Variants in TSPAN8 observed in about 807,000 individuals in gnomAD.
TSPAN8 encodes the protein tetraspanin-8.
Under a neutral mutation model 32.8 loss-of-function variants are expected in TSPAN8, and 21 were observed. The observed-to-expected ratio is 0.64, with a 90% confidence interval of 0.45 to 0.92. The LOEUF (loss-of-function observed/expected upper bound fraction) is 0.92. Ranked by LOEUF, TSPAN8 falls within the 40% of genes least tolerant of loss-of-function variation. TSPAN8 has a pLI of 0.00. For synonymous variants in TSPAN8, 95 were observed against 94.6 expected (o/e 1.00, Z -0.03); for missense variants, 269 against 281.9 (o/e 0.95, Z 0.33).
Position 71,139,735 on chromosome 12 carries a change from T to C in TSPAN8, c.237A>G (p.Lys79=). ...LGFLGCCGAI[K]ESRCMLLLFF... ...CCAACAGAAGCATGCAGCGACTTTC[T>C]TTTATAGCACCGCAGCATCCCAGGA... The change falls in exon 4 of 9, where the codon AAA becomes AAG. Residue 79 remains lysine (K), a synonymous_variant. Transcript: ENST00000247829. 6.2e-7 allele frequency: 1 copy of C among 1,613,912 alleles called. No homozygotes were observed. Among genetic ancestry groups the C allele is most frequent in the Non-Finnish European group, 8.5e-7 (1 of 1,179,854 alleles).
At chr12:71,135,749 T>G (rs1383305539) in intron 6 of TSPAN8, among the ~76,000 whole-genome samples, 1 of 152,174 alleles carries the variant, frequency 6.6e-6, no homozygotes, top group African/African-American at 2.4e-5. Context: ...CAGATGTTAC[T>G]AGGACCCAAA....
At chr12:71,154,210 T>C (rs60858449) in intron 2 of TSPAN8, among the ~76,000 whole-genome samples, 6,127 of 151,854 alleles carry the variant, frequency 0.04, 431 homozygotes, top group East Asian at 0.3. Flanking sequence ...CTCGGGAGGC[T>C]GAGGCAGGAG....
intron 2 of TSPAN8, among the ~76,000 whole-genome samples, chr12:71,153,667 T>C (rs1218709996): frequency 1.3e-5 from 2 of 152,234 alleles, no homozygotes; most frequent in Admixed American, 6.5e-5. Flanking sequence ...GCTAATTTCC[T>C]ATGAAGGATT....
At chr12:71,131,147 T>C (rs116303343) in intron 7 of TSPAN8, among the ~76,000 whole-genome samples, 66 of 152,320 alleles carry the variant, frequency 4.3e-4, no homozygotes, top group African/African-American at 1.5e-3. Flanking sequence ...TTATCCTAAG[T>C]GGAAACTATT....
At chr12:71,152,693 C>T (rs995779184) in intron 2 of TSPAN8, among the ~76,000 whole-genome samples, 1 of 152,180 alleles carries the variant, frequency 6.6e-6, no homozygotes, top group African/African-American at 2.4e-5. Context: ...ATGCTAATTA[C>T]ATAGGGTCAG....
Position 71,132,691 on chromosome 12 carries a change from A to C in TSPAN8, c.576+2T>G. ...TTGTACCAAATGTGATTTAGTTCTC[A>C]CCTCTTTGTAAACTTGTTTTCCATT... On this transcript the variant is annotated splice_donor_variant, in intron 7 of 8. Coordinates refer to ENST00000247829, the MANE Select transcript of TSPAN8 (RefSeq NM_004616.3). LOFTEE classifies it high-confidence loss of function. The C allele has an allele frequency of 6.2e-7, 1 of 1,613,254 alleles. No homozygotes were observed. The highest frequency in any genetic ancestry group is 8.5e-7 in the Non-Finnish European group (1 of 1,179,758).
chr12:71,139,860 AAG>A lies in TSPAN8; in HGVS notation c.124-14_124-13del. The stretch of plus-strand genomic sequence containing the variant: ...TCAGAACCAAAAATCTGAAGTAAAA[AAG>A]AGATTAATGGCAGAAAATTTATTTC... On this transcript the variant is annotated splice_polypyrimidine_tract_variant and intron_variant, in intron 3 of 8. Coordinates refer to ENST00000247829, the MANE Select transcript of TSPAN8 (RefSeq NM_004616.3). The A allele has an allele frequency of 6.3e-7, 1 of 1,596,676 alleles. No homozygotes were observed. The highest frequency in any genetic ancestry group is 8.5e-7 in the Non-Finnish European group (1 of 1,173,378).
At chr12:71,136,709 G>T (rs1371984341) in intron 6 of TSPAN8, among the ~76,000 whole-genome samples, 2 of 152,158 alleles carry the variant, frequency 1.3e-5, no homozygotes, top group African/African-American at 2.4e-5. Flanking sequence ...AAGAAAAAAG[G>T]AGGGGATAGT....
chr12:71,149,949 TA>T (rs764512618), intron 2 of TSPAN8, among the ~76,000 whole-genome samples: 1 of 152,160 alleles, frequency 6.6e-6, no homozygotes, highest in Non-Finnish European at 1.5e-5. Context: ...GACATGCAAG[TA>T]GGGAAGATAT....
At chr12:71,151,436 G>A (rs1872253177) in intron 2 of TSPAN8, among the ~76,000 whole-genome samples, 1 of 152,084 alleles carries the variant, frequency 6.6e-6, no homozygotes, top group Non-Finnish European at 1.5e-5. Flanking sequence ...TAAATTTAGG[G>A]AAAATAAATC....
At chr12:71,152,186 A>T (rs1872276601) in intron 2 of TSPAN8, among the ~76,000 whole-genome samples, 1 of 152,216 alleles carries the variant, frequency 6.6e-6, no homozygotes, top group South Asian at 2.1e-4. Context: ...AGACTGGAGC[A>T]TGCAAAAGCC....
intron 3 of TSPAN8, among the ~76,000 whole-genome samples, chr12:71,143,726 C>T (rs1871982022): frequency 6.6e-6 from 1 of 152,096 alleles, no homozygotes; most frequent in South Asian, 2.1e-4. Context: ...ATTTTCTTTC[C>T]TTTTGGACCA....
chr12:71,129,208 T>A (rs1041952852), intron 8 of TSPAN8, 123 bp downstream of exon 8: 1 of 1,056,002 alleles, frequency 9.5e-7, no homozygotes, highest in African/African-American at 1.7e-5. Flanking sequence ...TTCTAAAGCA[T>A]CTGCGTTTTT....
intron 7 of TSPAN8, 60 bp from the exon 8 acceptor site, chr12:71,129,474 C>G: frequency 7.0e-7 from 1 of 1,431,042 alleles, no homozygotes; most frequent in Non-Finnish European, 9.3e-7. Flanking sequence ...TTATATTAAT[C>G]AAAATTTTTA....
chr12:71,155,686 T>TAAAA (rs1332209057), intron 2 of TSPAN8, among the ~76,000 whole-genome samples: 4 of 152,142 alleles, frequency 2.6e-5, no homozygotes, highest in Non-Finnish European at 4.4e-5. Flanking sequence ...ACAATTGATT[T>TAAAA]AAAAAATTCT....
intron 2 of TSPAN8, among the ~76,000 whole-genome samples, chr12:71,153,729 T>C (rs1053832924): frequency 6.6e-6 from 1 of 152,192 alleles, no homozygotes; most frequent in African/African-American, 2.4e-5. Context: ...AGAGTAGATA[T>C]AGGAACCTTT....
intron 3 of TSPAN8, 98 bp from the exon 4 acceptor site, chr12:71,139,946 T>C: frequency 8.0e-7 from 1 of 1,250,422 alleles, no homozygotes; most frequent in Non-Finnish European, 1.1e-6. Flanking sequence ...ATGTGTCAAG[T>C]CCTGTGCCAG....
intron 2 of TSPAN8, among the ~76,000 whole-genome samples, chr12:71,152,130 A>G (rs1444702308): frequency 6.6e-6 from 1 of 152,220 alleles, no homozygotes; most frequent in Non-Finnish European, 1.5e-5. Context: ...AATGTTTCAA[A>G]TTAATCCTGC....
At chr12:71,144,549 CAGTTTAA>C (rs1435351693) in intron 2 of TSPAN8, among the ~76,000 whole-genome samples, 2 of 152,056 alleles carry the variant, frequency 1.3e-5, no homozygotes, top group Non-Finnish European at 2.9e-5. Context: ...AAAGTCACAA[CAGTTTAA>C]AGATAAAATA....
Sources: gnomAD v4.1 joint callset for allele counts (sites outside exome capture counted in the v4.1 genomes callset) on GRCh38, gnomAD v4.1.1 for gene constraint, MANE v1.5 for transcripts, NCBI Gene and HGNC (gene_info 2026-07-23, HGNC 2026-07-21) for gene names.